FLRT2: variants seen among roughly 807,000 people sequenced by gnomAD.
The protein encoded by FLRT2 is fibronectin leucine rich transmembrane protein 2, also known as leucine-rich repeat transmembrane protein FLRT2.
In FLRT2, 15 loss-of-function variants were observed where a neutral mutation model predicts 40.0. The ratio of observed to expected loss-of-function variants is 0.38; its 90% CI spans 0.25 to 0.58. The LOEUF (loss-of-function observed/expected upper bound fraction) is 0.58, where lower values mean the gene tolerates loss of function less well. Ranked by LOEUF, FLRT2 falls within the 20% of genes least tolerant of loss-of-function variation. The pLI, the probability that FLRT2 is intolerant of heterozygous loss-of-function variation, is 0.71. For synonymous variants in FLRT2, 380 were observed against 336.8 expected (o/e 1.13, Z -1.41); for missense variants, 726 against 840.0 (o/e 0.86, Z 1.68).
chr14:85,599,897 C>G (rs945141226), intron 1 of FLRT2, among the ~76,000 whole-genome samples: 1 of 152,148 alleles, frequency 6.6e-6, no homozygotes, highest in African/African-American at 2.4e-5. Context: ...AGGCTGCATA[C>G]AGCCATGGAA....
chr14:85,641,000 A>G lies in FLRT2; in HGVS notation c.*17503A>G, dbSNP rs1894136187. ...ATAGATTTGGTATGAGTTAAAATGC[A>G]TAGAAAGCATGTACTACATCTAGTG... On this transcript the variant is annotated 3_prime_UTR_variant, in exon 2 of 2. Transcript: ENST00000330753. 6.6e-6 allele frequency: 1 copy of G among 152,218 alleles called. No individual in the cohort carries two copies. The highest frequency in any genetic ancestry group is 1.5e-5 in the Non-Finnish European group (1 of 68,052). The allele number at this position is 152,218 out of a possible 1,614,324, so 9.4% of individuals were successfully genotyped here. A position where few individuals can be genotyped will look rare whatever the true frequency, so the allele number is the denominator to read the frequency against.
intron 1 of FLRT2, among the ~76,000 whole-genome samples, chr14:85,604,567 TGAGA>T (rs1186420434): frequency 6.6e-6 from 1 of 151,806 alleles, no homozygotes; most frequent in African/African-American, 2.4e-5. Context: ...GTGAAGAAAT[TGAGA>T]GAGAGTTGGA....
chr14:85,538,122 T>A (rs997407629), intron 1 of FLRT2, among the ~76,000 whole-genome samples: 1 of 152,150 alleles, frequency 6.6e-6, no homozygotes, highest in Non-Finnish European at 1.5e-5. Flanking sequence ...TTTATTTATT[T>A]TTCAAATACC....
intron 1 of FLRT2, among the ~76,000 whole-genome samples, chr14:85,618,945 T>C (rs7144949): frequency 0.033 from 5,078 of 152,248 alleles, 100 homozygotes; most frequent in South Asian, 0.079. Flanking sequence ...GCTGATAGCA[T>C]TAAACTCATT....
chr14:85,580,991 T>C (rs1032423238), intron 1 of FLRT2, among the ~76,000 whole-genome samples: 4 of 152,312 alleles, frequency 2.6e-5, no homozygotes, highest in Admixed American at 2.6e-4. Flanking sequence ...ATGATTCAGG[T>C]TTCTTTCATG....
chr14:85,534,705 G>T (rs28515968), intron 1 of FLRT2, among the ~76,000 whole-genome samples: 3,404 of 152,098 alleles, frequency 0.022, 128 homozygotes, highest in African/African-American at 0.077. Flanking sequence ...CTAAGGTAGT[G>T]AGTGGCCGCG....
chr14:85,599,078 C>T lies in FLRT2; in HGVS notation c.-376-22061C>T, dbSNP rs1008543371. 1.1e-4 allele frequency among the ~76,000 whole-genome samples: 16 copies of T among 151,956 alleles called. No individual in the cohort carries two copies. The East Asian group carries it at 1.2e-3, about 11-fold the overall frequency. Reference sequence around the variant, plus strand: ...GACTACAGGCTCCCGTCATCATGCCCGGCTAATTTCTTTTTGTATTTTTAG... The same window carrying T: ...GACTACAGGCTCCCGTCATCATGCCTGGCTAATTTCTTTTTGTATTTTTAG... On this transcript the variant is annotated intron_variant, in intron 1 of 1. Transcript: ENST00000330753.
At position 85,636,744 on chromosome 14, in the gene FLRT2, C is replaced by T. The variant is rs1894013172; in HGVS notation, c.*13247C>T. The T allele has an allele frequency of 6.6e-6, 1 of 151,658 alleles. No homozygotes were observed. The highest frequency in any genetic ancestry group is 2.1e-4 in the South Asian group (1 of 4,806). The allele number at this position is 151,658 out of a possible 1,614,324, so 9.4% of individuals were successfully genotyped here. On this transcript the variant is annotated 3_prime_UTR_variant, in exon 2 of 2. Coordinates refer to ENST00000330753, the MANE Select transcript of FLRT2 (RefSeq NM_013231.6). Reference sequence around the variant, plus strand: ...AGGAGTTTGAGACTAGCTTGGCCAACATGGTGAAAGCCCGCCTTTACTAAA... The same window carrying T: ...AGGAGTTTGAGACTAGCTTGGCCAATATGGTGAAAGCCCGCCTTTACTAAA...
intron 1 of FLRT2, among the ~76,000 whole-genome samples, chr14:85,569,109 T>A (rs141246841): frequency 6.6e-6 from 1 of 152,340 alleles, no homozygotes; most frequent in African/African-American, 2.4e-5. Flanking sequence ...TTTTAGGCTT[T>A]GTGACAAACT....
At chr14:85,586,815 G>A (rs1222343899) in intron 1 of FLRT2, among the ~76,000 whole-genome samples, 1 of 152,180 alleles carries the variant, frequency 6.6e-6, no homozygotes, top group East Asian at 1.9e-4. Context: ...TCATGGGCAT[G>A]GTAGATATAG....
chr14:85,633,060 C>A lies in FLRT2; in HGVS notation c.*9563C>A, dbSNP rs967698250. The A allele has an allele frequency of 4.6e-5, 7 of 152,136 alleles. No individual in the cohort carries two copies. The highest frequency in any genetic ancestry group is 7.3e-5 in the Non-Finnish European group (5 of 68,038). The allele number at this position is 152,136 out of a possible 1,614,324, so 9.4% of individuals were successfully genotyped here. A position where few individuals can be genotyped will look rare whatever the true frequency, so the allele number is the denominator to read the frequency against. ...GATGTAATTCACAAGCACATGGTGA[C>A]AAATTGCCAGCTTTTTATGATGAAA... is the stretch of plus-strand genomic sequence containing the variant. On this transcript the variant is annotated 3_prime_UTR_variant, in exon 2 of 2. Transcript: ENST00000330753.
chr14:85,649,032 T>A lies in FLRT2; in HGVS notation c.*25535T>A, dbSNP rs906918455. On this transcript the variant is annotated 3_prime_UTR_variant, in exon 2 of 2. Coordinates refer to ENST00000330753, the MANE Select transcript of FLRT2 (RefSeq NM_013231.6). ...ATTTTGGCTACAGGGAGTGCTCCAA[T>A]TTTGATACTCTCCCTGTCAATATGC... 1.7e-4 allele frequency: 26 copies of A among 152,244 alleles called. No homozygotes were observed. Among genetic ancestry groups the A allele is most frequent in the African/African-American group, 6.3e-4 (26 of 41,572 alleles). 9.4% of individuals were successfully genotyped at this position (152,244 alleles called of 1,614,324 possible).
intron 1 of FLRT2, among the ~76,000 whole-genome samples, chr14:85,615,509 C>T (rs1408505464): frequency 6.6e-6 from 1 of 152,066 alleles, no homozygotes; most frequent in African/African-American, 2.4e-5. Flanking sequence ...CCTTCTTTCT[C>T]CTTTCCCTTG....
intron 1 of FLRT2, among the ~76,000 whole-genome samples, chr14:85,553,664 A>G (rs886603978): frequency 6.6e-6 from 1 of 152,128 alleles, no homozygotes; most frequent in Non-Finnish European, 1.5e-5. Context: ...GAGTTAACAA[A>G]TATTTGTGGA....
At chr14:85,611,676 G>A (rs1000563724) in intron 1 of FLRT2, among the ~76,000 whole-genome samples, 1 of 152,176 alleles carries the variant, frequency 6.6e-6, no homozygotes, top group Non-Finnish European at 1.5e-5. Context: ...GTAGCTAAGG[G>A]AGGAATGAAT....
At position 85,636,397 on chromosome 14, in the gene FLRT2, A is replaced by AC. The variant is rs1360295834; in HGVS notation, c.*12900_*12901insC. On this transcript the variant is annotated 3_prime_UTR_variant, in exon 2 of 2. Transcript: ENST00000330753. ...AAGGTGAAGTCACCTGCAGAAAAAAAAAAAAAAAAAACAAAAAACATTCTT... is the reference window on the plus strand; with the variant it reads ...AAGGTGAAGTCACCTGCAGAAAAAAACAAAAAAAAAAACAAAAAACATTCTT... 7.0e-6 allele frequency: 1 copy of AC among 143,878 alleles called. No individual in the cohort carries two copies. The highest frequency in any genetic ancestry group is 2.5e-5 in the African/African-American group (1 of 39,546). The allele number at this position is 143,878 out of a possible 1,614,324, so 8.9% of individuals were successfully genotyped here. A position where few individuals can be genotyped will look rare whatever the true frequency, so the allele number is the denominator to read the frequency against.
In FLRT2 at chr14:85,643,354, TCTTC is replaced by T. The variant is rs67796225; in HGVS notation, c.*19877_*19880del. 201 of 46,064 alleles carry T rather than the reference TCTTC, an allele frequency of 4.4e-3. 7 individuals are homozygous for T. The highest frequency in any genetic ancestry group is 0.014 in the African/African-American group (185 of 13,266). 2.9% of individuals were successfully genotyped at this position (46,064 alleles called of 1,614,324 possible). ...TTCTTTCTTTCTTTCTTTCTTTCTT[TCTTC>T]CTTCCTTCCTTCCTTCCTTTCTTTC... On this transcript the variant is annotated 3_prime_UTR_variant, in exon 2 of 2. Coordinates refer to ENST00000330753, the MANE Select transcript of FLRT2 (RefSeq NM_013231.6).
intron 1 of FLRT2, among the ~76,000 whole-genome samples, chr14:85,617,782 C>G (rs1893198662): frequency 6.6e-6 from 1 of 152,036 alleles, no homozygotes; most frequent in South Asian, 2.1e-4. Flanking sequence ...GTGGGATTCC[C>G]AAGAAGGTCA....
At chr14:85,562,475 C>T (rs1890396777) in intron 1 of FLRT2, among the ~76,000 whole-genome samples, 2 of 152,138 alleles carry the variant, frequency 1.3e-5, no homozygotes, top group Non-Finnish European at 2.9e-5. Flanking sequence ...GTCTCCTCCT[C>T]TGAGAATTGA....
Sources: gnomAD v4.1 joint callset for allele counts (sites outside exome capture counted in the v4.1 genomes callset) on GRCh38, gnomAD v4.1.1 for gene constraint, MANE v1.5 for transcripts, NCBI Gene and HGNC (gene_info 2026-07-23, HGNC 2026-07-21) for gene names.